Variants in CSMD1 observed in about 807,000 individuals in gnomAD.
CSMD1 encodes the protein CUB and sushi domain-containing protein 1.
CSMD1 carries 213 observed loss-of-function variants against 417.5 expected under a neutral mutation model. The ratio of observed to expected loss-of-function variants is 0.51; its 90% CI spans 0.46 to 0.57. CSMD1 has a LOEUF of 0.57. Among genes scored for constraint, CSMD1 ranks in the 20% least tolerant of loss-of-function variants. The pLI, the probability that CSMD1 is intolerant of heterozygous loss-of-function variation, is 0.00. For synonymous variants in CSMD1, 2,862 were observed against 1,736.8 expected (o/e 1.65, Z -16.11); for missense variants, 6,923 against 4,529.7 (o/e 1.53, Z -15.17).
chr8:3,448,397 GGGAAGGAA>G (rs1320964818), intron 12 of CSMD1, among the ~76,000 whole-genome samples: 1 of 131,496 alleles, frequency 7.6e-6, no homozygotes, highest in Non-Finnish European at 1.7e-5. Context: ...GGAGGAGGAA[GGGAAGGAA>G]GGAAGGAAGG....
intron 1 of CSMD1, among the ~76,000 whole-genome samples, chr8:4,748,151 C>G (rs999785689): frequency 1.3e-5 from 2 of 152,136 alleles, no homozygotes; most frequent in African/African-American, 2.4e-5. Context: ...ACAGAGAAAA[C>G]CCACAACATG....
intron 2 of CSMD1, among the ~76,000 whole-genome samples, chr8:4,423,611 T>C (rs1050100062): frequency 6.6e-6 from 1 of 152,162 alleles, no homozygotes; most frequent in South Asian, 2.1e-4. Flanking sequence ...GACTCAATAA[T>C]GTAAAGATAT....
intron 26 of CSMD1, among the ~76,000 whole-genome samples, chr8:3,263,316 C>A (rs1311628288): frequency 1.3e-5 from 2 of 152,208 alleles, no homozygotes; most frequent in African/African-American, 2.4e-5. Context: ...CCAGGCTAGT[C>A]TCGAACTCCT....
At chr8:2,942,386 G>C (rs577354551) in intron 69 of CSMD1, 86 bp downstream of exon 69, 2 of 1,118,802 alleles carry the variant, frequency 1.8e-6, no homozygotes, top group East Asian at 4.9e-5. Flanking sequence ...AAATACATGT[G>C]CATGTGAGCA....
At chr8:3,408,276 T>C (rs374768758) in intron 13 of CSMD1, 51 bp from the exon 14 acceptor site, 28 of 1,414,870 alleles carry the variant, frequency 2.0e-5, no homozygotes, top group Middle Eastern at 1.8e-4. Context: ...ATCCAAAGAA[T>C]TGCCATGTGA....
intron 3 of CSMD1, among the ~76,000 whole-genome samples, chr8:4,217,227 A>T (rs1263348628): frequency 6.6e-6 from 1 of 152,218 alleles, no homozygotes; most frequent in African/African-American, 2.4e-5. Context: ...TCTTCTTGAT[A>T]TAAAAATGCT....
intron 3 of CSMD1, among the ~76,000 whole-genome samples, chr8:4,365,824 CTT>C (rs1395117992): frequency 6.6e-6 from 1 of 152,134 alleles, no homozygotes; most frequent in African/African-American, 2.4e-5. Flanking sequence ...GATCTTTTGA[CTT>C]TTCTAGATTC....
intron 5 of CSMD1, among the ~76,000 whole-genome samples, chr8:3,767,843 G>T (rs779707697): frequency 6.6e-6 from 1 of 152,178 alleles, no homozygotes; most frequent in African/African-American, 2.4e-5. Context: ...GAAATGCCCA[G>T]TGGGTCAGAT....
At chr8:4,066,164 T>C (rs1799235089) in intron 3 of CSMD1, among the ~76,000 whole-genome samples, 1 of 152,240 alleles carries the variant, frequency 6.6e-6, no homozygotes, top group Non-Finnish European at 1.5e-5. Flanking sequence ...ACCCATTATT[T>C]CTAAAGATTC....
At chr8:4,460,090 C>G (rs1054003910) in intron 2 of CSMD1, among the ~76,000 whole-genome samples, 1 of 152,124 alleles carries the variant, frequency 6.6e-6, no homozygotes, top group Non-Finnish European at 1.5e-5. Flanking sequence ...GAAACATTCT[C>G]CACAACAGAG....
intron 27 of CSMD1, among the ~76,000 whole-genome samples, chr8:3,227,283 C>A (rs1798565494): frequency 6.7e-6 from 1 of 149,718 alleles, no homozygotes; most frequent in Non-Finnish European, 1.5e-5. Context: ...CGCCTGTAAT[C>A]CCAGCTACTT....
intron 4 of CSMD1, among the ~76,000 whole-genome samples, chr8:4,024,153 TA>T (rs1796939887): frequency 6.6e-6 from 1 of 151,984 alleles, no homozygotes; most frequent in Admixed American, 6.6e-5. Context: ...AAATACAGCA[TA>T]AAGAATCAGT....
At chr8:4,244,276 C>T (rs1029326632) in intron 3 of CSMD1, among the ~76,000 whole-genome samples, 2 of 152,134 alleles carry the variant, frequency 1.3e-5, no homozygotes, top group Non-Finnish European at 2.9e-5. Context: ...AGAGCAGGCC[C>T]CCGGGTCTTC....
At chr8:4,205,019 T>C (rs1010849996) in intron 3 of CSMD1, among the ~76,000 whole-genome samples, 2 of 152,186 alleles carry the variant, frequency 1.3e-5, no homozygotes, top group African/African-American at 4.8e-5. Flanking sequence ...CTTTCTCATG[T>C]ATTCAAGCAA....
At chr8:3,988,198 G>A (rs544442944) in intron 5 of CSMD1, among the ~76,000 whole-genome samples, 2 of 152,096 alleles carry the variant, frequency 1.3e-5, no homozygotes, top group African/African-American at 4.8e-5. Flanking sequence ...TAAGACCCTG[G>A]TGAGTCTGTG....
chr8:3,586,026 G>T (rs751783104), intron 9 of CSMD1, 110 bp downstream of exon 9: 65 of 1,129,444 alleles, frequency 5.8e-5, no homozygotes, highest in Non-Finnish European at 4.2e-5. Context: ...CATTACTACC[G>T]AATTCTACTC....
intron 4 of CSMD1, among the ~76,000 whole-genome samples, chr8:4,030,474 C>G (rs772958611): frequency 1.3e-3 from 198 of 152,300 alleles, no homozygotes; most frequent in Non-Finnish European, 1.4e-3. Context: ...TTTATGTTGC[C>G]CCTTTCAGCC....
At chr8:3,865,091 A>C (rs566945540) in intron 5 of CSMD1, among the ~76,000 whole-genome samples, 1 of 152,176 alleles carries the variant, frequency 6.6e-6, no homozygotes, top group South Asian at 2.1e-4. Flanking sequence ...TTTGGTAACA[A>C]TACTCCACAC....
At chr8:3,829,072 T>G (rs1348245250) in intron 5 of CSMD1, among the ~76,000 whole-genome samples, 2 of 152,098 alleles carry the variant, frequency 1.3e-5, no homozygotes, top group Non-Finnish European at 2.9e-5. Flanking sequence ...TAGGTGGTAT[T>G]TGTTTACATG....
Sources: gnomAD v4.1 joint callset for allele counts (sites outside exome capture counted in the v4.1 genomes callset) on GRCh38, gnomAD v4.1.1 for gene constraint, MANE v1.5 for transcripts, NCBI Gene and HGNC (gene_info 2026-07-23, HGNC 2026-07-21) for gene names.